The following RABGAP1L variants were observed in gnomAD, a reference collection of about 807,000 sequenced individuals.
RABGAP1L encodes the protein RAB GTPase activating protein 1 like.
In RABGAP1L, 63 loss-of-function variants were observed where a neutral mutation model predicts 137.7. The ratio of observed to expected loss-of-function variants is 0.46; its 90% CI spans 0.37 to 0.56. The LOEUF is 0.56. RABGAP1L is among the 20% of genes least tolerant of loss of function. RABGAP1L has a pLI of 0.00. For synonymous variants in RABGAP1L, 431 were observed against 433.7 expected, an observed-to-expected ratio of 0.99 and a Z score of 0.08; for missense variants, 1,095 against 1,244.0, an observed-to-expected ratio of 0.88 and a Z score of 1.80.
intron 13 of RABGAP1L, among the ~76,000 whole-genome samples, chr1:174,521,432 T>G (rs1217026137): frequency 6.6e-6 from 1 of 152,192 alleles, no homozygotes; most frequent in Non-Finnish European, 1.5e-5. Context: ...AATCTAAATT[T>G]AGAATCAGAT....
intron 13 of RABGAP1L, among the ~76,000 whole-genome samples, chr1:174,432,438 C>T (rs1396245288): frequency 2.0e-5 from 3 of 152,156 alleles, no homozygotes; most frequent in African/African-American, 7.2e-5. Context: ...CTTAGGTTTT[C>T]GTAGACTAAG....
intron 13 of RABGAP1L, among the ~76,000 whole-genome samples, chr1:174,541,649 A>T (rs1406712642): frequency 6.6e-6 from 1 of 151,938 alleles, no homozygotes; most frequent in Non-Finnish European, 1.5e-5. Flanking sequence ...GGTGGCGGGC[A>T]CCTGTAGTCC....
Position 174,461,997 on chromosome 1 carries a change from G to A in RABGAP1L, c.1710+67852G>A, listed in dbSNP as rs140538188. ...CATTGTGATTATATAGGAAGAATGA[G>A]AATTTTTGTTTTACCCAAGAACCTT... On this transcript the variant is annotated intron_variant, in intron 13 of 25. Transcript: ENST00000681986. Among the ~76,000 whole-genome samples the A allele has an allele frequency of 3.7e-3, 556 of 152,242 alleles. 4 individuals are homozygous for A. Among genetic ancestry groups the A allele is most frequent in the African/African-American group, 0.011 (477 of 41,562 alleles).
intron 10 of RABGAP1L, among the ~76,000 whole-genome samples, chr1:174,297,481 G>T (rs919235154): frequency 6.6e-6 from 1 of 152,210 alleles, no homozygotes. Flanking sequence ...CGAACTTCTC[G>T]AGTTCCACTC....
At chr1:174,816,734 CTT>C (rs59080997) in intron 19 of RABGAP1L, among the ~76,000 whole-genome samples, 6 of 138,298 alleles carry the variant, frequency 4.3e-5, no homozygotes, top group Admixed American at 7.4e-5. Flanking sequence ...AGAAACAAGT[CTT>C]TTTTTTTTTT....
intron 13 of RABGAP1L, among the ~76,000 whole-genome samples, chr1:174,395,746 G>A (rs560648942): frequency 6.6e-6 from 1 of 151,780 alleles, no homozygotes; most frequent in South Asian, 2.1e-4. Context: ...GCTATTGAGA[G>A]GCTGAAGTGG....
intron 13 of RABGAP1L, among the ~76,000 whole-genome samples, chr1:174,604,243 C>A (rs1268977919): frequency 6.6e-6 from 1 of 152,158 alleles, no homozygotes; most frequent in African/African-American, 2.4e-5. Context: ...GATGATTCCC[C>A]TCTGGCTGTG....
chr1:174,857,278 C>T (rs889818422), intron 19 of RABGAP1L, among the ~76,000 whole-genome samples: 19 of 152,172 alleles, frequency 1.2e-4, no homozygotes, highest in Admixed American at 7.2e-4. Context: ...ATTTATGACG[C>T]TTTGGTTTGT....
intron 13 of RABGAP1L, among the ~76,000 whole-genome samples, chr1:174,540,575 G>C (rs776224858): frequency 5.9e-5 from 9 of 152,046 alleles, no homozygotes; most frequent in Admixed American, 2.6e-4. Context: ...TCTTGTTTTT[G>C]TCAGGTTTGT....
At chr1:174,839,037 G>GTGTGTGTGTGTT (rs1463406409) in intron 19 of RABGAP1L, among the ~76,000 whole-genome samples, 1 of 142,456 alleles carries the variant, frequency 7.0e-6, no homozygotes, top group Non-Finnish European at 1.5e-5. Flanking sequence ...ACGTGTGTGT[G>GTGTGTGTGTGTT]TGTGTGTGTG....
chr1:174,535,867 A>C (rs539870049), intron 13 of RABGAP1L, among the ~76,000 whole-genome samples: 76 of 152,306 alleles, frequency 5.0e-4, no homozygotes, highest in Non-Finnish European at 5.3e-4. Flanking sequence ...GCATATTTAA[A>C]AATTAAATAT....
At chr1:174,820,780 G>A (rs778834378) in intron 19 of RABGAP1L, among the ~76,000 whole-genome samples, 1 of 152,112 alleles carries the variant, frequency 6.6e-6, no homozygotes, top group South Asian at 2.1e-4. Context: ...ACCTTGGGAG[G>A]CTGAGGCGGG....
chr1:174,432,733 T>C (rs1652792925), intron 13 of RABGAP1L, among the ~76,000 whole-genome samples: 1 of 152,180 alleles, frequency 6.6e-6, no homozygotes, highest in African/African-American at 2.4e-5. Flanking sequence ...GGACAGGGTT[T>C]CACCATGTTG....
In RABGAP1L at chr1:174,752,335, T is replaced by C. The variant is rs1320641878; in HGVS notation, c.2192T>C (p.Val731Ala). Residue 731 changes from valine to alanine, a missense_variant, in exon 18 of 26, where the codon GTA (valine) becomes GCA (alanine). Physicochemically the swap from Val to Ala is moderately conservative, Grantham distance 64 (BLOSUM62 0). Transcript: ENST00000681986. ...CAGGGTTTGAACATAATCTTTCATG[T>C]AGCTTTGGCTCTCCTAAAGGTAAGT... ...LCEGLNIIFH[V>A]ALALLKTSKE... is the part of the protein sequence containing the mutation. The C allele has an allele frequency of 6.3e-7, 1 of 1,588,196 alleles. No homozygotes were observed. Among genetic ancestry groups the C allele is most frequent in the South Asian group, 1.1e-5 (1 of 87,528 alleles).
chr1:174,446,175 G>A (rs1654742746), intron 13 of RABGAP1L, among the ~76,000 whole-genome samples: 1 of 152,198 alleles, frequency 6.6e-6, no homozygotes, highest in South Asian at 2.1e-4. Flanking sequence ...CCTTGTAGCT[G>A]CATCACAGTA....
rs1174850226 is a variant in RABGAP1L, at chr1:174,756,796, A to G, written c.2211+4442A>G. On this transcript the variant is annotated intron_variant, in intron 18 of 25. Transcript: ENST00000681986. ...TGTTGAGGACAGGGGAGGAGTCCCT[A>G]CTCGGTTGCAAACTCCGGATGAGGG... The G allele has an allele frequency of 8.0e-6, 4 of 501,716 alleles. No homozygotes were observed. The East Asian group carries it at 1.7e-4, about 21-fold the overall frequency. 31.1% of individuals were successfully genotyped at this position (501,716 alleles called of 1,614,324 possible). A position where few individuals can be genotyped will look rare whatever the true frequency, so the allele number is the denominator to read the frequency against.
At chr1:174,471,848 T>C (rs1657978933) in intron 13 of RABGAP1L, among the ~76,000 whole-genome samples, 1 of 152,170 alleles carries the variant, frequency 6.6e-6, no homozygotes, top group Non-Finnish European at 1.5e-5. Context: ...ATCCCCAATA[T>C]GACTATATTT....
At chr1:174,982,281 C>T (rs1671204355) in intron 23 of RABGAP1L, among the ~76,000 whole-genome samples, 1 of 152,182 alleles carries the variant, frequency 6.6e-6, no homozygotes, top group South Asian at 2.1e-4. Context: ...TATGCCTCCC[C>T]TAGTCCCCTA....
At chr1:174,583,272 C>T (rs1197959856) in intron 13 of RABGAP1L, among the ~76,000 whole-genome samples, 1 of 152,112 alleles carries the variant, frequency 6.6e-6, no homozygotes, top group Non-Finnish European at 1.5e-5. Flanking sequence ...CAGAGCCCAT[C>T]TTTTACAGAT....
Sources: gnomAD v4.1 joint callset for allele counts (sites outside exome capture counted in the v4.1 genomes callset) on GRCh38, gnomAD v4.1.1 for gene constraint, MANE v1.5 for transcripts, NCBI Gene and HGNC (gene_info 2026-07-23, HGNC 2026-07-21) for gene names.